NME7: variants seen among roughly 807,000 people sequenced by gnomAD.
NME7 encodes NME/NM23 family member 7.
In NME7, 41 loss-of-function variants were observed where a neutral mutation model predicts 49.1. The ratio of observed to expected loss-of-function variants is 0.83; its 90% CI spans 0.65 to 1.08. The LOEUF (loss-of-function observed/expected upper bound fraction) is 1.08, where lower values mean the gene tolerates loss of function less well. Among genes scored for constraint, NME7 ranks in the 50% least tolerant of loss-of-function variants. The probability of loss-of-function intolerance (pLI) is 0.00; values close to 1 mark genes in which losing one functional copy is unlikely to be tolerated. For missense variants in NME7, 423 were observed against 463.4 expected, an observed-to-expected ratio of 0.91 and a Z score of 0.80; for synonymous variants, 139 against 150.6, an observed-to-expected ratio of 0.92 and a Z score of 0.56.
intron 10 of NME7, among the ~76,000 whole-genome samples, chr1:169,192,178 T>G (rs937755138): frequency 4.6e-5 from 7 of 152,058 alleles, no homozygotes; most frequent in African/African-American, 1.7e-4. Flanking sequence ...AACTGCCAGG[T>G]GAGAGGTGTA....
At chr1:169,237,553 T>C (rs1647907417) in intron 8 of NME7, 70 bp downstream of exon 8, 4 of 1,141,412 alleles carry the variant, frequency 3.5e-6, no homozygotes, top group Admixed American at 1.8e-5. Flanking sequence ...GAACATTCAA[T>C]GTAAAGCATT....
chr1:169,355,608 T>C (rs1653443207), intron 1 of NME7, among the ~76,000 whole-genome samples: 2 of 151,380 alleles, frequency 1.3e-5, no homozygotes, highest in South Asian at 4.2e-4. Flanking sequence ...CTCAGGGTCT[T>C]TGGATGTACT....
At chr1:169,173,830 A>T (rs1214793245) in intron 10 of NME7, among the ~76,000 whole-genome samples, 1 of 152,196 alleles carries the variant, frequency 6.6e-6, no homozygotes, top group Non-Finnish European at 1.5e-5. Context: ...CAATTATGAG[A>T]TCATAAAAGC....
chr1:169,289,308 G>A (rs1285982477), intron 6 of NME7, among the ~76,000 whole-genome samples: 1 of 152,154 alleles, frequency 6.6e-6, no homozygotes, highest in African/African-American at 2.4e-5. Context: ...ACCTCTATGT[G>A]TTGGAGAGCA....
At chr1:169,283,258 C>T (rs907588446) in intron 7 of NME7, among the ~76,000 whole-genome samples, 11 of 151,850 alleles carry the variant, frequency 7.2e-5, no homozygotes, top group Admixed American at 2.6e-4. Flanking sequence ...ATCAGAGATT[C>T]GGATTACAAC....
intron 1 of NME7, among the ~76,000 whole-genome samples, chr1:169,336,507 T>G (rs1044390086): frequency 6.6e-6 from 1 of 152,178 alleles, no homozygotes; most frequent in Non-Finnish European, 1.5e-5. Flanking sequence ...TCAGATTAGT[T>G]AGATACAGAG....
At chr1:169,317,217 A>G (rs1651675682) in intron 3 of NME7, among the ~76,000 whole-genome samples, 1 of 152,196 alleles carries the variant, frequency 6.6e-6, no homozygotes, top group African/African-American at 2.4e-5. Context: ...TAACCCAAAT[A>G]CGCTATCAAT....
intron 7 of NME7, among the ~76,000 whole-genome samples, chr1:169,252,877 T>C (rs368520072): frequency 0.051 from 7,638 of 149,200 alleles, 253 homozygotes; most frequent in East Asian, 0.12. Context: ...GTTGTAGATA[T>C]GCGGTGTTAT....
At chr1:169,243,533 G>C (rs974514375) in intron 7 of NME7, among the ~76,000 whole-genome samples, 2 of 152,168 alleles carry the variant, frequency 1.3e-5, no homozygotes, top group African/African-American at 4.8e-5. Context: ...TGTGATAAAG[G>C]TAGGGCCTTT....
intron 1 of NME7, among the ~76,000 whole-genome samples, chr1:169,363,874 AG>A (rs1401806136): frequency 4.6e-5 from 7 of 152,362 alleles, no homozygotes; most frequent in East Asian, 1.9e-4. Flanking sequence ...TGGGAACAGG[AG>A]TTCATTCATT....
chr1:169,276,083 G>A (rs1182205493), intron 7 of NME7, among the ~76,000 whole-genome samples: 1 of 134,084 alleles, frequency 7.5e-6, no homozygotes, highest in African/African-American at 2.5e-5. Context: ...GCTGGATTCA[G>A]TTTGCCAGTA....
intron 10 of NME7, among the ~76,000 whole-genome samples, chr1:169,197,228 T>C (rs1660403452): frequency 6.6e-6 from 1 of 152,172 alleles, no homozygotes; most frequent in South Asian, 2.1e-4. Flanking sequence ...AATATAATAC[T>C]TGTCAAAATA....
chr1:169,280,771 G>A (rs896326731), intron 7 of NME7, among the ~76,000 whole-genome samples: 8 of 147,666 alleles, frequency 5.4e-5, no homozygotes, highest in African/African-American at 2.0e-4. Flanking sequence ...TTGTAGCTGT[G>A]TGGTGTTATT....
intron 10 of NME7, among the ~76,000 whole-genome samples, chr1:169,183,501 A>T (rs1659980009): frequency 6.6e-6 from 1 of 152,166 alleles, no homozygotes; most frequent in Admixed American, 6.5e-5. Flanking sequence ...TTGGTTACAT[A>T]TTTCTTAAGA....
At chr1:169,349,752 C>A (rs554509833) in intron 1 of NME7, among the ~76,000 whole-genome samples, 1 of 152,160 alleles carries the variant, frequency 6.6e-6, no homozygotes, top group South Asian at 2.1e-4. Context: ...CCCTTTTTAG[C>A]CTAATCCTTT....
intron 1 of NME7, among the ~76,000 whole-genome samples, chr1:169,327,241 C>A (rs991617375): frequency 1.3e-5 from 2 of 152,226 alleles, no homozygotes; most frequent in Admixed American, 6.5e-5. Flanking sequence ...CACAGACAAT[C>A]ATTAGCTCCT....
intron 11 of NME7, among the ~76,000 whole-genome samples, chr1:169,141,424 A>T (rs1188193989): frequency 6.6e-6 from 1 of 152,216 alleles, no homozygotes; most frequent in Non-Finnish European, 1.5e-5. Flanking sequence ...AAGGAAATAA[A>T]GCAGGCTTAC....
rs913671342 is a variant in NME7 at position 169,132,894 on chromosome 1, G to A, written c.1099-77C>T. On this transcript the variant is annotated intron_variant, in intron 11 of 11. Coordinates refer to ENST00000367811, the MANE Select transcript of NME7 (RefSeq NM_013330.5). ...CCACTTAACAGAGTCCAAGAGGTTG[G>A]TCAGGACTTCAGACACTGGCATACC... is the stretch of plus-strand genomic sequence containing the variant. The A allele has an allele frequency of 2.2e-5, 26 of 1,206,776 alleles. No individual in the cohort carries two copies. In the African/African-American group the frequency reaches 2.3e-4, roughly 10 times the overall value. The allele number at this position is 1,206,776 out of a possible 1,614,324, so 74.8% of individuals were successfully genotyped here.
At chr1:169,311,606 C>T (rs1651394533) in intron 3 of NME7, among the ~76,000 whole-genome samples, 1 of 151,952 alleles carries the variant, frequency 6.6e-6, no homozygotes, top group Non-Finnish European at 1.5e-5. Flanking sequence ...TGTCTGGCTT[C>T]ATTGAAAACA....
Sources: allele counts gnomAD v4.1 joint callset (sites outside exome capture counted in the v4.1 genomes callset), GRCh38; gene constraint gnomAD v4.1.1; transcripts MANE v1.5; gene names NCBI Gene and HGNC (gene_info 2026-07-23, HGNC 2026-07-21).